PIK3CB: variants seen among roughly 807,000 people sequenced by gnomAD.
PIK3CB encodes phosphatidylinositol-4,5-bisphosphate 3-kinase catalytic subunit beta.
A neutral mutation model predicts 136.8 loss-of-function variants in PIK3CB; 39 were observed. The ratio of observed to expected loss-of-function variants is 0.29; its 90% CI spans 0.22 to 0.37. PIK3CB has a LOEUF of 0.37. Among genes scored for constraint, PIK3CB ranks in the 10% least tolerant of loss-of-function variants. The pLI is 1.00. For missense variants in PIK3CB, 868 were observed against 1,275.4 expected, an observed-to-expected ratio of 0.68 and a Z score of 4.87; for synonymous variants, 428 against 436.6, an observed-to-expected ratio of 0.98 and a Z score of 0.25.
chr3:138,696,676 T>C (rs2044144212), intron 13 of PIK3CB, among the ~76,000 whole-genome samples: 1 of 152,128 alleles, frequency 6.6e-6, no homozygotes, highest in Non-Finnish European at 1.5e-5. Flanking sequence ...AAAGGTATAG[T>C]GATGAAAACA....
chr3:138,805,910 A>G (rs2046229171), intron 1 of PIK3CB, among the ~76,000 whole-genome samples: 1 of 150,868 alleles, frequency 6.6e-6, no homozygotes, highest in Non-Finnish European at 1.5e-5. Flanking sequence ...TTGTATTTTT[A>G]GTAGAGATGG....
chr3:138,806,104 A>T (rs769610198), intron 1 of PIK3CB, among the ~76,000 whole-genome samples: 1 of 152,176 alleles, frequency 6.6e-6, no homozygotes, highest in African/African-American at 2.4e-5. Flanking sequence ...GCAGAGCAAT[A>T]GTTTCTACAA....
At chr3:138,699,192 T>G (rs1217948709) in intron 12 of PIK3CB, 97 bp from the exon 13 acceptor site, 2 of 362,056 alleles carry the variant, frequency 5.5e-6, no homozygotes, top group African/African-American at 4.4e-5. Flanking sequence ...TAAATGAACC[T>G]AAGTATGTGA....
chr3:138,699,121 GAATTT>G (rs2044195671), intron 12 of PIK3CB, 26 bp from the exon 13 acceptor site: 1 of 1,298,622 alleles, frequency 7.7e-7, no homozygotes, highest in Non-Finnish European at 1.1e-6. Flanking sequence ...GCTCATTATA[GAATTT>G]AATTGTGCAA....
At chr3:138,662,446 C>CT (rs547019691) in intron 21 of PIK3CB, among the ~76,000 whole-genome samples, 5,094 of 151,084 alleles carry the variant, frequency 0.034, 287 homozygotes, top group African/African-American at 0.12. Context: ...TGAACTCATC[C>CT]TTTTTTATGG....
intron 2 of PIK3CB, among the ~76,000 whole-genome samples, chr3:138,771,335 G>A (rs2045797483): frequency 6.7e-6 from 1 of 148,504 alleles, no homozygotes; most frequent in Admixed American, 7.0e-5. Flanking sequence ...CCATTCTCCT[G>A]CCTCAGCCTC....
chr3:138,820,894 C>T (rs1357244304), intron 1 of PIK3CB, among the ~76,000 whole-genome samples: 1 of 152,156 alleles, frequency 6.6e-6, no homozygotes. Context: ...TAAGTTACTT[C>T]AGGAATTTTG....
chr3:138,793,064 T>C (rs912300491), intron 2 of PIK3CB, among the ~76,000 whole-genome samples: 4 of 152,140 alleles, frequency 2.6e-5, no homozygotes, highest in Non-Finnish European at 5.9e-5. Flanking sequence ...AGGAAAAACA[T>C]AGGGCAGCTA....
intron 21 of PIK3CB, among the ~76,000 whole-genome samples, chr3:138,659,669 C>A (rs961438999): frequency 5.3e-5 from 8 of 152,078 alleles, no homozygotes; most frequent in African/African-American, 1.9e-4. Context: ...ATGTGGCCTG[C>A]TGTGTCTCTG....
intron 21 of PIK3CB, among the ~76,000 whole-genome samples, chr3:138,659,715 A>C (rs570785754): frequency 6.6e-6 from 1 of 152,070 alleles, no homozygotes; most frequent in East Asian, 1.9e-4. Flanking sequence ...CGTCTGATGC[A>C]CTGAAATTTC....
intron 1 of PIK3CB, among the ~76,000 whole-genome samples, chr3:138,833,602 A>G (rs937253579): frequency 6.6e-6 from 1 of 152,196 alleles, no homozygotes; most frequent in Non-Finnish European, 1.5e-5. Flanking sequence ...GTGCTTCAAA[A>G]TAAGTACTCA....
intron 10 of PIK3CB, 124 bp downstream of exon 10, chr3:138,712,084 T>C (rs2044515052): frequency 2.1e-6 from 1 of 468,102 alleles, no homozygotes; most frequent in Admixed American, 4.1e-5. Flanking sequence ...TATTTTAGAA[T>C]AAATAATACA....
chr3:138,790,410 C>T (rs979017078), intron 2 of PIK3CB, among the ~76,000 whole-genome samples: 8 of 149,036 alleles, frequency 5.4e-5, no homozygotes, highest in African/African-American at 1.2e-4. Flanking sequence ...CTCAGGAGTT[C>T]GAGGCCAGCC....
At chr3:138,812,960 G>A (rs1933142910) in intron 1 of PIK3CB, among the ~76,000 whole-genome samples, 1 of 152,164 alleles carries the variant, frequency 6.6e-6, no homozygotes. Context: ...GGTGAAATGT[G>A]AGTAAGATAT....
At chr3:138,726,201 C>T (rs2044832863) in intron 8 of PIK3CB, among the ~76,000 whole-genome samples, 1 of 152,200 alleles carries the variant, frequency 6.6e-6, no homozygotes, top group East Asian at 1.9e-4. Flanking sequence ...AGAGCAGATC[C>T]TCATATGCAC....
chr3:138,750,394 AC>A (rs1286660476), intron 4 of PIK3CB, among the ~76,000 whole-genome samples: 1 of 152,170 alleles, frequency 6.6e-6, no homozygotes. Context: ...AAACTGTTCC[AC>A]CTCAGATCAT....
At position 138,785,162 on chromosome 3, in the gene PIK3CB, C is replaced by T. The variant is rs571437405; in HGVS notation, c.-17+11301G>A. Among the ~76,000 whole-genome samples the T allele has an allele frequency of 4.0e-5, 6 of 151,554 alleles. No homozygotes were observed. In the South Asian group the frequency reaches 8.3e-4, roughly 21 times the overall value. ...AGGGAGATGGGGGGCAGCCCCCGCC[C>T]GGTCAGCCGCCCCGTCCGGGAGGGA... is the stretch of plus-strand genomic sequence containing the variant. On this transcript the variant is annotated intron_variant, in intron 2 of 23. Coordinates refer to ENST00000674063, the MANE Select transcript of PIK3CB (RefSeq NM_006219.3).
chr3:138,780,378 C>G (rs1322784402), intron 2 of PIK3CB, among the ~76,000 whole-genome samples: 2 of 152,138 alleles, frequency 1.3e-5, no homozygotes, highest in African/African-American at 2.4e-5. Flanking sequence ...TCAAGTGATT[C>G]TCCTGCCTCA....
At chr3:138,818,377 G>C (rs532172252) in intron 1 of PIK3CB, among the ~76,000 whole-genome samples, 1 of 152,280 alleles carries the variant, frequency 6.6e-6, no homozygotes, top group Middle Eastern at 3.4e-3. Context: ...TCTGGCTCTA[G>C]CTCATTTATT....
Sources: gnomAD v4.1 joint callset for allele counts (sites outside exome capture counted in the v4.1 genomes callset) on GRCh38, gnomAD v4.1.1 for gene constraint, MANE v1.5 for transcripts, NCBI Gene and HGNC (gene_info 2026-07-23, HGNC 2026-07-21) for gene names.